DCDC1: variants seen among roughly 807,000 people sequenced by gnomAD.
DCDC1 encodes the protein doublecortin domain-containing protein 1.
In DCDC1, 200 loss-of-function variants were observed where a neutral mutation model predicts 178.3. The observed-to-expected ratio is 1.12, with a 90% CI of 1.00 to 1.26. The LOEUF (loss-of-function observed/expected upper bound fraction) is 1.26, where lower values mean the gene tolerates loss of function less well. Ranked by LOEUF, DCDC1 falls within the 50% of genes most tolerant of loss-of-function variation. The pLI is 0.00. For missense variants in DCDC1, 1,983 were observed against 1,749.2 expected (o/e 1.13, Z -2.38); for synonymous variants, 690 against 604.8 (o/e 1.14, Z -2.07).
intron 20 of DCDC1, among the ~76,000 whole-genome samples, chr11:31,009,545 G>A (rs1409276586): frequency 6.6e-6 from 1 of 151,946 alleles, no homozygotes; most frequent in Non-Finnish European, 1.5e-5. Flanking sequence ...GGCTGGTGGT[G>A]TAGTTACAGA....
rs948189195 is a variant in DCDC1 at position 31,092,682 on chromosome 11, T to C, written c.2119-1171A>G. Among the ~76,000 whole-genome samples the C allele has an allele frequency of 2.6e-5, 4 of 152,206 alleles. No individual in the cohort carries two copies. In the East Asian group the frequency reaches 5.8e-4, roughly 22 times the overall value. ...GACAAGTACATGTTTTCTGCTATCA[T>C]GAAATTCTAGAAACAGATACCATGA... On this transcript the variant is annotated intron_variant, in intron 16 of 38. Transcript: ENST00000684477.
chr11:31,237,112 T>C (rs1445908979), intron 9 of DCDC1, among the ~76,000 whole-genome samples: 1 of 151,976 alleles, frequency 6.6e-6, no homozygotes, highest in African/African-American at 2.4e-5. Context: ...TTGAGATGAA[T>C]CAATTCTGGA....
chr11:31,179,421 C>T (rs1315017978), intron 9 of DCDC1, among the ~76,000 whole-genome samples: 1 of 152,102 alleles, frequency 6.6e-6, no homozygotes, highest in Non-Finnish European at 1.5e-5. Context: ...ACAGAATCAA[C>T]CTAAGCGTCC....
chr11:31,110,891 A>T lies in DCDC1; in HGVS notation c.1486-530T>A, dbSNP rs1258968697. 5.3e-5 allele frequency among the ~76,000 whole-genome samples: 8 copies of T among 152,190 alleles called. No individual in the cohort carries two copies. In the South Asian group the frequency reaches 8.3e-4, roughly 16 times the overall value. On this transcript the variant is annotated intron_variant, in intron 11 of 38. Transcript: ENST00000684477. ...ATTTATTGCATAACAGTGTGATGAA[A>T]GTCATCCATTTTAAGTGCACATATC...
chr11:31,276,183 T>C (rs1945974647), intron 7 of DCDC1, among the ~76,000 whole-genome samples: 1 of 152,218 alleles, frequency 6.6e-6, no homozygotes, highest in Non-Finnish European at 1.5e-5. Flanking sequence ...CCCATGTTCC[T>C]CAAATGATGA....
chr11:31,310,698 A>G (rs1948723361), intron 3 of DCDC1, among the ~76,000 whole-genome samples: 1 of 152,110 alleles, frequency 6.6e-6, no homozygotes, highest in Non-Finnish European at 1.5e-5. Flanking sequence ...GGATGATTAC[A>G]TACCCTTGCA....
intron 15 of DCDC1, among the ~76,000 whole-genome samples, chr11:31,095,025 T>C (rs541896586): frequency 6.0e-4 from 91 of 152,122 alleles, no homozygotes; most frequent in Non-Finnish European, 1.1e-3. Flanking sequence ...CTCCCACTTA[T>C]GAGTGAGAAC....
intron 6 of DCDC1, among the ~76,000 whole-genome samples, chr11:31,296,788 G>T (rs935827933): frequency 4.6e-5 from 7 of 152,062 alleles, no homozygotes; most frequent in Non-Finnish European, 1.0e-4. Context: ...GAGCAAAGAG[G>T]CAAAAAGCCC....
In DCDC1 at chr11:30,915,530, T is replaced by A; in HGVS notation, c.3634A>T (p.Ile1212Leu). 1 of 1,613,930 alleles carries A rather than the reference T, an allele frequency of 6.2e-7. No individual in the cohort carries two copies. The highest frequency in any genetic ancestry group is 8.5e-7 in the Non-Finnish European group (1 of 1,179,834). ...KKSDGSHQRW[I>L]HQEDSRTFHL... ...GATTACCTGCTGTCTTCCTGGTGTA[T>A]CCAGCGCTGATGACTACCATCAGAT... Residue 1212 changes from isoleucine to leucine, a missense_variant, in exon 27 of 39, where the codon ATA becomes TTA. Physicochemically the swap from Ile to Leu is conservative, Grantham distance 5. Transcript: ENST00000684477.
chr11:30,978,329 A>G (rs1950208679), intron 20 of DCDC1, among the ~76,000 whole-genome samples: 1 of 152,246 alleles, frequency 6.6e-6, no homozygotes, highest in East Asian at 1.9e-4. Context: ...CCCTTACTAC[A>G]CTACAAGTTC....
chr11:31,022,104 C>T (rs1681390086), intron 20 of DCDC1, among the ~76,000 whole-genome samples: 2 of 152,164 alleles, frequency 1.3e-5, no homozygotes, highest in Admixed American at 1.3e-4. Context: ...AGCACAGTCT[C>T]ATATCTTCCT....
rs1248628004 is a variant in DCDC1, at chr11:30,863,812, A to G, written c.*1561T>C. On this transcript the variant is annotated 3_prime_UTR_variant, in exon 39 of 39. Transcript: ENST00000684477. ...TCTTTATTTGGAAAGTTCTGTGACAAACATCCACAGTTCTGTGCACAAACA... is the reference window on the plus strand; with the variant it reads ...TCTTTATTTGGAAAGTTCTGTGACAGACATCCACAGTTCTGTGCACAAACA... 6.6e-6 allele frequency: 1 copy of G among 152,228 alleles called. No homozygotes were observed. The highest frequency in any genetic ancestry group is 1.5e-5 in the Non-Finnish European group (1 of 68,040). 9.4% of individuals were successfully genotyped at this position (152,228 alleles called of 1,614,324 possible). A position where few individuals can be genotyped will look rare whatever the true frequency, so the allele number is the denominator to read the frequency against.
At chr11:31,167,814 C>G (rs1966850886) in intron 9 of DCDC1, among the ~76,000 whole-genome samples, 1 of 152,094 alleles carries the variant, frequency 6.6e-6, no homozygotes, top group African/African-American at 2.4e-5. Flanking sequence ...AATACTGATG[C>G]CTCTAGCCAA....
chr11:31,103,434 T>G (rs1019838352), intron 14 of DCDC1, among the ~76,000 whole-genome samples: 14 of 152,190 alleles, frequency 9.2e-5, no homozygotes, highest in Admixed American at 7.2e-4. Context: ...CATGGCCCCA[T>G]ATGGTTTTCT....
At chr11:31,126,904 G>C (rs1359096319) in intron 11 of DCDC1, among the ~76,000 whole-genome samples, 1 of 152,206 alleles carries the variant, frequency 6.6e-6, no homozygotes, top group African/African-American at 2.4e-5. Flanking sequence ...CAAAGTAGTA[G>C]AGGACATTTA....
intron 18 of DCDC1, among the ~76,000 whole-genome samples, chr11:31,069,708 G>A (rs950930380): frequency 3.9e-5 from 6 of 152,094 alleles, no homozygotes; most frequent in Non-Finnish European, 8.8e-5. Context: ...ATATTGTTAT[G>A]GTAGCTTCAT....
chr11:31,024,028 T>C (rs966894624), intron 20 of DCDC1, among the ~76,000 whole-genome samples: 3 of 151,912 alleles, frequency 2.0e-5, no homozygotes, highest in African/African-American at 7.2e-5. Flanking sequence ...GAAAAATGAG[T>C]AAAGTCCTAG....
At chr11:31,005,001 TAA>T (rs910203277) in intron 20 of DCDC1, among the ~76,000 whole-genome samples, 8 of 152,206 alleles carry the variant, frequency 5.3e-5, no homozygotes, top group Non-Finnish European at 1.0e-4. Flanking sequence ...ACGCAGAAAT[TAA>T]GAGTATTATA....
Position 31,149,907 on chromosome 11 carries a change from A to G in DCDC1, c.1222-12123T>C, listed in dbSNP as rs1013802611. The stretch of plus-strand genomic sequence containing the variant: ...GGTCCTCAGCTTCATTCTTGAAGTC[A>G]GCAAGACCAAGAACCCACCCGAAGG... On this transcript the variant is annotated intron_variant, in intron 9 of 38. Coordinates refer to ENST00000684477, the MANE Select transcript of DCDC1 (RefSeq NM_001387274.1). 3.3e-5 allele frequency among the ~76,000 whole-genome samples: 5 copies of G among 152,334 alleles called. No individual in the cohort carries two copies. In the East Asian group the frequency reaches 7.7e-4, roughly 23 times the overall value.
Sources: gnomAD v4.1 joint callset for allele counts (sites outside exome capture counted in the v4.1 genomes callset) on GRCh38, gnomAD v4.1.1 for gene constraint, MANE v1.5 for transcripts, NCBI Gene and HGNC (gene_info 2026-07-23, HGNC 2026-07-21) for gene names.